CCNYL1: variants seen among roughly 807,000 people sequenced by gnomAD.
CCNYL1 encodes cyclin Y like 1.
A neutral mutation model predicts 44.2 loss-of-function variants in CCNYL1; 16 were observed. The ratio of observed to expected loss-of-function variants is 0.36; its 90% confidence interval spans 0.25 to 0.55. CCNYL1 has a LOEUF of 0.55. Among genes scored for constraint, CCNYL1 ranks in the 20% least tolerant of loss-of-function variants. The pLI, the probability that CCNYL1 is intolerant of heterozygous loss-of-function variation, is 0.85. For missense variants in CCNYL1, 348 were observed against 451.8 expected (o/e 0.77, Z 2.08); for synonymous variants, 159 against 163.2 (o/e 0.97, Z 0.20).
intron 4 of CCNYL1, among the ~76,000 whole-genome samples, chr2:207,735,796 G>T (rs187246026): frequency 8.0e-4 from 121 of 152,128 alleles, no homozygotes; most frequent in Non-Finnish European, 1.0e-3. Flanking sequence ...TCCGGGAAGC[G>T]GAGGTTGCAG....
intron 4 of CCNYL1, 99 bp from the exon 5 acceptor site, chr2:207,737,312 C>T (rs554386914): frequency 2.0e-5 from 17 of 859,658 alleles, no homozygotes; most frequent in Middle Eastern, 2.2e-4. Context: ...ATTTCAGGGC[C>T]GCTAGGAGGG....
intron 9 of CCNYL1, among the ~76,000 whole-genome samples, chr2:207,753,338 G>GT (rs1449555768): frequency 1.3e-5 from 2 of 152,200 alleles, no homozygotes; most frequent in African/African-American, 4.8e-5. Flanking sequence ...TGGGAATCCA[G>GT]TTTTTTAATA....
rs1575220845 is a variant in CCNYL1, at chr2:207,742,158, A to G, written c.520-65A>G. 6 of 1,517,670 alleles carry G rather than the reference A, an allele frequency of 4.0e-6. No individual in the cohort carries two copies. The East Asian group carries it at 1.4e-4, about 35-fold the overall frequency. 94.0% of individuals were successfully genotyped at this position (1,517,670 alleles called of 1,614,324 possible). ...AAGAGTGAAACTCAGTCTCAAAAAA[A>G]AAAAAAAAAAGCTTAAAATTTTTTT... On this transcript the variant is annotated intron_variant, in intron 6 of 9. Coordinates refer to ENST00000295414, the MANE Select transcript of CCNYL1 (RefSeq NM_001330218.2).
chr2:207,751,500 ACTTG>A (rs1381287249), intron 9 of CCNYL1, among the ~76,000 whole-genome samples: 1 of 151,924 alleles, frequency 6.6e-6, no homozygotes, highest in African/African-American at 2.4e-5. Context: ...TGGGCAGATC[ACTTG>A]AGGTCAGGAG....
At chr2:207,724,689 A>G (rs892290598) in intron 1 of CCNYL1, 111 bp from the exon 2 acceptor site, 21 of 775,142 alleles carry the variant, frequency 2.7e-5, no homozygotes, top group Middle Eastern at 6.9e-4. Context: ...ATTTATTACT[A>G]AAAACTTCTC....
At chr2:207,747,791 C>T (rs1388866372) in intron 8 of CCNYL1, among the ~76,000 whole-genome samples, 1 of 152,190 alleles carries the variant, frequency 6.6e-6, no homozygotes, top group Non-Finnish European at 1.5e-5. Flanking sequence ...AACTCCTGAC[C>T]TTGTGATTCG....
intron 1 of CCNYL1, among the ~76,000 whole-genome samples, chr2:207,724,328 C>T (rs901532564): frequency 5.3e-5 from 8 of 152,134 alleles, no homozygotes; most frequent in African/African-American, 1.2e-4. Flanking sequence ...TAGAATTAGC[C>T]GTTTAATTGT....
rs2091686480 is a variant in CCNYL1, at chr2:207,727,195, T to C, written c.330+319T>C. 1.3e-5 allele frequency among the ~76,000 whole-genome samples: 2 copies of C among 152,224 alleles called. 1 individual carries two copies. The highest frequency in any genetic ancestry group is 2.9e-5 in the Non-Finnish European group (2 of 68,044). ...AGTAACAAAATTATAATAGCTAAGT[T>C]CATTTTTAGCACTATATGTTGACTT... On this transcript the variant is annotated intron_variant, in intron 3 of 9. Coordinates refer to ENST00000295414, the MANE Select transcript of CCNYL1 (RefSeq NM_001330218.2).
At chr2:207,723,705 G>A (rs978661957) in intron 1 of CCNYL1, among the ~76,000 whole-genome samples, 9 of 151,684 alleles carry the variant, frequency 5.9e-5, no homozygotes, top group African/African-American at 1.7e-4. Context: ...GTAAAACCCC[G>A]TCTCTACTAA....
At chr2:207,752,102 A>C (rs987309298) in intron 9 of CCNYL1, among the ~76,000 whole-genome samples, 1 of 147,580 alleles carries the variant, frequency 6.8e-6, no homozygotes, top group African/African-American at 2.6e-5. Flanking sequence ...TTCACTTGCC[A>C]CTCTTGACTG....
In CCNYL1 at chr2:207,753,676, G is replaced by A. The variant is rs34427171; in HGVS notation, c.1058G>A (p.Arg353His). The change falls in exon 10 of 10, where the codon CGC (arginine) becomes CAC (histidine). Residue 353 changes from arginine (R) to histidine (H), a missense_variant. Physicochemically the swap from Arg to His is conservative, Grantham distance 29. Around this residue, in one of 3 missense-constraint regions of CCNYL1, gnomAD observed 94 missense variants for 102.4 expected, o/e 0.92. Transcript: ENST00000295414. ...GCTGATAACTTCATTGGTATTCAGCGCTCTAAAGCCATCCTCTCTTAAAAG... is the reference window on the plus strand; with the variant it reads ...GCTGATAACTTCATTGGTATTCAGCACTCTAAAGCCATCCTCTCTTAAAAG... ...FSADNFIGIQ[R>H]SKAILS 668 of 1,610,364 alleles carry A rather than the reference G, an allele frequency of 4.1e-4. No homozygotes were observed. The highest frequency in any genetic ancestry group is 4.9e-4 in the Non-Finnish European group (573 of 1,177,310).
chr2:207,747,541 C>CTTTAT (rs926345506), intron 8 of CCNYL1, among the ~76,000 whole-genome samples: 4 of 151,954 alleles, frequency 2.6e-5, no homozygotes, highest in Admixed American at 6.6e-5. Flanking sequence ...CAGTAAATAT[C>CTTTAT]TTTATTTTAT....
rs902042772 is a variant in CCNYL1 at position 207,714,924 on chromosome 2, A to T, written c.220+2808A>T. On this transcript the variant is annotated intron_variant, in intron 1 of 9. Coordinates refer to ENST00000295414, the MANE Select transcript of CCNYL1 (RefSeq NM_001330218.2). ...TTGAAAGTTTGCTTTTAATATCTTT[A>T]TTTCAGACAATTTTATATCAGTCTC... 6 of 152,262 alleles carry T rather than the reference A, an allele frequency of 3.9e-5. No homozygotes were observed. The East Asian group carries it at 9.6e-4, about 24-fold the overall frequency. The allele number at this position is 152,262 out of a possible 1,614,324, so 9.4% of individuals were successfully genotyped here.
chr2:207,751,108 C>G lies in CCNYL1; in HGVS notation c.958C>G (p.Gln320Glu), dbSNP rs761047593. The change falls in exon 9 of 10, where the codon CAG becomes GAG. Residue 320 changes from glutamine (Q) to glutamate (E), a missense_variant. By Grantham distance (29) the Gln-to-Glu change is conservative (BLOSUM62 2). Transcript: ENST00000295414. ...TGCTCCTCTTAGCAAAGAAAGAGCA[C>G]AGAACCTAGAGGTAAGGCTATGAAG... ...LFAPLSKERA[Q>E]NLEAISRLCE... 2 of 1,613,980 alleles carry G rather than the reference C, an allele frequency of 1.2e-6. No individual in the cohort carries two copies. The highest frequency in any genetic ancestry group is 1.1e-5 in the South Asian group (1 of 91,050).
At chr2:207,744,517 G>A (rs370057069) in intron 7 of CCNYL1, among the ~76,000 whole-genome samples, 2 of 150,064 alleles carry the variant, frequency 1.3e-5, no homozygotes, top group African/African-American at 2.5e-5. Context: ...ACCAGTGCCC[G>A]TCACCACGCC....
At chr2:207,753,198 T>C (rs1465728491) in intron 9 of CCNYL1, among the ~76,000 whole-genome samples, 1 of 152,148 alleles carries the variant, frequency 6.6e-6, no homozygotes, top group African/African-American at 2.4e-5. Context: ...TAATAAGGAT[T>C]GGGTAGAATT....
chr2:207,715,620 T>A (rs1204718034), intron 1 of CCNYL1, among the ~76,000 whole-genome samples: 1 of 151,644 alleles, frequency 6.6e-6, no homozygotes, highest in African/African-American at 2.4e-5. Flanking sequence ...CCTCAAGCGA[T>A]CCAGCTGCCT....
At chr2:207,734,579 CCAA>C (rs34426922) in intron 4 of CCNYL1, among the ~76,000 whole-genome samples, 58,409 of 151,826 alleles carry the variant, frequency 0.38, 12,945 homozygotes, top group Non-Finnish European at 0.5. Flanking sequence ...TATTTAAAAA[CCAA>C]CAACAACAGC....
At chr2:207,721,198 G>C (rs1352142125) in intron 1 of CCNYL1, among the ~76,000 whole-genome samples, 1 of 152,176 alleles carries the variant, frequency 6.6e-6, no homozygotes, top group African/African-American at 2.4e-5. Context: ...ATGCCCAGCA[G>C]TTGGCCCAGA....
Sources: allele counts gnomAD v4.1 joint callset (sites outside exome capture counted in the v4.1 genomes callset), GRCh38; gene constraint gnomAD v4.1.1; regional missense constraint gnomAD v4.1.1; transcripts MANE v1.5; gene names NCBI Gene and HGNC (gene_info 2026-07-23, HGNC 2026-07-21).